Variants in S100PBP observed in about 807,000 individuals in gnomAD.
S100PBP encodes S100P-binding protein.
S100PBP carries 15 observed loss-of-function variants against 39.9 expected under a neutral mutation model. The ratio of observed to expected loss-of-function variants is 0.38; its 90% confidence interval spans 0.25 to 0.58. The LOEUF (loss-of-function observed/expected upper bound fraction) is 0.58, where lower values mean the gene tolerates loss of function less well. Among genes scored for constraint, S100PBP ranks in the 20% least tolerant of loss-of-function variants. The pLI is 0.70. For missense variants in S100PBP, 504 were observed against 487.3 expected (o/e 1.03, Z -0.32); for synonymous variants, 178 against 180.3 (o/e 0.99, Z 0.10).
intron 5 of S100PBP, chr1:32,842,969 T>C (rs1359901981): frequency 6.6e-6 from 1 of 152,218 alleles, no homozygotes; most frequent in African/African-American, 2.4e-5. Context: ...TTTTGTAGCT[T>C]TTGTACAGTC....
chr1:32,817,571 C>T (rs1424004428), upstream of S100PBP: 5 of 507,880 alleles, frequency 9.8e-6, no homozygotes, highest in African/African-American at 5.8e-5. Context: ...GGTTTGCCCT[C>T]CCCCTGGTGT....
At chr1:32,846,748 G>A (rs754008659) in intron 5 of S100PBP, 8 of 151,448 alleles carry the variant, frequency 5.3e-5, no homozygotes, top group African/African-American at 1.7e-4. Context: ...GGGATTACAG[G>A]CATGTTATTT....
chr1:32,840,387 G>C (rs1458303494), intron 5 of S100PBP, among the ~76,000 whole-genome samples: 2 of 152,052 alleles, frequency 1.3e-5, no homozygotes, highest in African/African-American at 4.8e-5. Context: ...GCAGAGTCTT[G>C]CTCTGTTGCC....
At chr1:32,853,045 G>T in intron 5 of S100PBP, 34 bp from the exon 6 acceptor site, 2 of 1,485,522 alleles carry the variant, frequency 1.3e-6, no homozygotes, top group Non-Finnish European at 9.4e-7. Flanking sequence ...AGTTCACTCA[G>T]CTGTTCCTAA....
chr1:32,830,959 A>G lies in S100PBP; in HGVS notation c.1024+892A>G, dbSNP rs1169044497. On this transcript the variant is annotated intron_variant, in intron 5 of 6. Transcript: ENST00000373475. Reference sequence around the variant, plus strand: ...GCCAGGCGTGGTGGCACATGCCTATAATCCTAGCTACTCAGGTGGCTGAGG... The same window carrying G: ...GCCAGGCGTGGTGGCACATGCCTATGATCCTAGCTACTCAGGTGGCTGAGG... 2.0e-5 allele frequency among the ~76,000 whole-genome samples: 3 copies of G among 152,258 alleles called. No homozygotes were observed. The South Asian group carries it at 6.2e-4, about 32-fold the overall frequency.
chr1:32,817,134 C>G, upstream of S100PBP: 1 of 1,609,448 alleles, frequency 6.2e-7, no homozygotes, highest in Non-Finnish European at 8.5e-7. Flanking sequence ...CTCAAAATCA[C>G]TGAACCTCGG....
intron 1 of S100PBP, 110 bp from the exon 2 acceptor site, chr1:32,825,202 AT>A (rs1639271418): frequency 6.6e-6 from 1 of 152,236 alleles, no homozygotes; most frequent in South Asian, 2.1e-4. Context: ...TACAAAAAAA[AT>A]CAAGATTAAA....
intron 5 of S100PBP, chr1:32,843,021 T>A (rs1640192125): frequency 6.6e-6 from 1 of 152,254 alleles, no homozygotes; most frequent in Admixed American, 6.5e-5. Flanking sequence ...TGTTTCATAT[T>A]GTGATGCTTT....
rs907868223 is a variant in S100PBP, at chr1:32,858,339, G to C, written c.*2301G>C. Reference sequence around the variant, plus strand: ...ATTTCCTCTTAGCTCAAATAATTCTGTTTTTCCAAAGCTTTAGCAGCTTAA... The same window carrying C: ...ATTTCCTCTTAGCTCAAATAATTCTCTTTTTCCAAAGCTTTAGCAGCTTAA... On this transcript the variant is annotated 3_prime_UTR_variant, in exon 7 of 7. Coordinates refer to ENST00000373475, the MANE Select transcript of S100PBP (RefSeq NM_022753.4). The C allele has an allele frequency of 6.6e-6, 1 of 152,626 alleles. No individual in the cohort carries two copies. Among genetic ancestry groups the C allele is most frequent in the Admixed American group, 6.5e-5 (1 of 15,284 alleles). The allele number at this position is 152,626 out of a possible 1,614,324, so 9.5% of individuals were successfully genotyped here. A position where few individuals can be genotyped will look rare whatever the true frequency, so the allele number is the denominator to read the frequency against.
At position 32,830,057 on chromosome 1, in the gene S100PBP, C is replaced by T; in HGVS notation, c.1014C>T (p.Asp338=). The T allele has an allele frequency of 6.2e-7, 1 of 1,602,806 alleles. No homozygotes were observed. Among genetic ancestry groups the T allele is most frequent in the South Asian group, 1.1e-5 (1 of 90,848 alleles). The change falls in exon 5 of 7, where the codon GAC becomes GAT. Residue 338 remains aspartate, a synonymous_variant. Transcript: ENST00000373475. Reference sequence around the variant, plus strand: ...TTGCTCATATAGAAGACCCAGAGGACACTAACCAAGGTAACATGGTACCCA... The same window carrying T: ...TTGCTCATATAGAAGACCCAGAGGATACTAACCAAGGTAACATGGTACCCA... The part of the protein sequence containing the change: ...SVIAHIEDPE[D]TNQGISGELC...
intron 5 of S100PBP, among the ~76,000 whole-genome samples, chr1:32,851,946 G>A (rs1334475066): frequency 2.0e-5 from 3 of 152,170 alleles, no homozygotes; most frequent in Non-Finnish European, 4.4e-5. Context: ...TTTAGCCTAA[G>A]TCTCAATCGT....
At chr1:32,838,095 A>C (rs964107381) in intron 5 of S100PBP, among the ~76,000 whole-genome samples, 2 of 152,164 alleles carry the variant, frequency 1.3e-5, no homozygotes, top group Non-Finnish European at 2.9e-5. Flanking sequence ...TAATCCCAGC[A>C]CTTTTGGAGG....
At chr1:32,826,048 G>A (rs1483404845) in intron 2 of S100PBP, 50 bp from the exon 3 acceptor site, 4 of 1,330,826 alleles carry the variant, frequency 3.0e-6, no homozygotes, top group Non-Finnish European at 4.2e-6. Context: ...ACTGGAGTTG[G>A]TATAAGGTTA....
At chr1:32,837,844 T>C (rs1048698004) in intron 5 of S100PBP, among the ~76,000 whole-genome samples, 9 of 152,154 alleles carry the variant, frequency 5.9e-5, no homozygotes, top group Non-Finnish European at 1.2e-4. Context: ...TGAGTAGTAT[T>C]CCATTATATA....
intron 5 of S100PBP, among the ~76,000 whole-genome samples, chr1:32,838,333 C>CAAAAAAA (rs770251816): frequency 2.9e-5 from 2 of 67,810 alleles, no homozygotes; most frequent in East Asian, 4.1e-4. Context: ...GACTCTGTCT[C>CAAAAAAA]AAAAAAAAAA....
chr1:32,853,498 G>T (rs1444419404), intron 6 of S100PBP, among the ~76,000 whole-genome samples: 3 of 151,390 alleles, frequency 2.0e-5, no homozygotes, highest in African/African-American at 4.8e-5. Flanking sequence ...GGCGGTGGGG[G>T]GGGGGCGCGT....
chr1:32,820,143 G>GC (rs896236693), intron 1 of S100PBP, among the ~76,000 whole-genome samples: 2 of 73,532 alleles, frequency 2.7e-5, no homozygotes, highest in African/African-American at 5.4e-5. Flanking sequence ...CCGTTCCTAT[G>GC]CTTTTTTTTT....
rs755022850 is a variant in S100PBP at position 32,829,979 on chromosome 1, G to A, written c.936G>A (p.Thr312=). 53 of 1,613,306 alleles carry A rather than the reference G, an allele frequency of 3.3e-5. No individual in the cohort carries two copies. Among genetic ancestry groups the A allele is most frequent in the Admixed American group, 5.0e-5 (3 of 59,936 alleles). The change falls in exon 5 of 7, where the codon ACG becomes ACA. Residue 312 remains threonine, a synonymous_variant. Transcript: ENST00000373475. ...LQTKTRTNVP[T]FSQSNLEQQK... is the part of the protein sequence containing the mutation. ...TTTATTCAAGGACTAATGTTCCGAC[G>A]TTTTCACAGTCAAATCTAGAACAGC...
Position 32,841,160 on chromosome 1 carries a change from C to CA in S100PBP, c.1024+11107dup, listed in dbSNP as rs377024249. Among the ~76,000 whole-genome samples the CA allele has an allele frequency of 5.8e-3, 587 of 101,696 alleles. 1 individual carries two copies. Among genetic ancestry groups the CA allele is most frequent in the Middle Eastern group, 0.012 (2 of 164 alleles). 66.7% of individuals were successfully genotyped at this position (101,696 alleles called of 152,430 possible). ...TGGGCGACAGAGCAAGATTCCATCT[C>CA]AAAAAAAAAAAAAATAAAAAAAATT... On this transcript the variant is annotated intron_variant, in intron 5 of 6. Coordinates refer to ENST00000373475, the MANE Select transcript of S100PBP (RefSeq NM_022753.4).
Sources: gnomAD v4.1 joint callset for allele counts (sites outside exome capture counted in the v4.1 genomes callset) on GRCh38, gnomAD v4.1.1 for gene constraint, MANE v1.5 for transcripts, NCBI Gene and HGNC (gene_info 2026-07-23, HGNC 2026-07-21) for gene names.